LBX1: variants seen among roughly 807,000 people sequenced by gnomAD.
The protein encoded by LBX1 is ladybird homeobox 1, also known as transcription factor LBX1.
Under a neutral mutation model 19.9 loss-of-function variants are expected in LBX1, and 6 were observed. That is an observed-to-expected ratio of 0.30 (90% CI 0.17 to 0.60). The LOEUF (loss-of-function observed/expected upper bound fraction) is 0.60, where lower values mean the gene tolerates loss of function less well. Among genes scored for constraint, LBX1 ranks in the 20% least tolerant of loss-of-function variants. The pLI, the probability that LBX1 is intolerant of heterozygous loss-of-function variation, is 0.87. For synonymous variants in LBX1, 190 were observed against 189.3 expected (o/e 1.00, Z -0.03); for missense variants, 344 against 393.7 (o/e 0.87, Z 1.07).
intron 1 of LBX1, 122 bp from the exon 2 acceptor site, chr10:101,227,912 T>C: frequency 1.1e-6 from 1 of 910,442 alleles, no homozygotes. Flanking sequence ...TGTTCCCTTC[T>C]CAGATTTAAT....
At position 101,229,393 on chromosome 10, in the gene LBX1, T is replaced by G; in HGVS notation, c.-578A>C. ...CTCCCTCCCTCTCTCTTCTCTCTTC[T>G]CTGCTCCCCCCTTCTCTCTCCTTCT... On this transcript the variant is annotated 5_prime_UTR_variant, in exon 1 of 2. Coordinates refer to ENST00000370193, the MANE Select transcript of LBX1 (RefSeq NM_006562.5). This position sits in a 1 kb window ranked among gnomAD's most constrained non-coding sequence, Gnocchi z 6.4. The G allele has an allele frequency of 5.0e-6, 1 of 198,670 alleles. No homozygotes were observed. Among genetic ancestry groups the G allele is most frequent in the Non-Finnish European group, 1.0e-5 (1 of 96,376 alleles). The allele number at this position is 198,670 out of a possible 1,614,324, so 12.3% of individuals were successfully genotyped here.
intron 1 of LBX1, 122 bp downstream of exon 1, chr10:101,228,369 G>C (rs1346197863): frequency 5.9e-6 from 4 of 683,546 alleles, no homozygotes; most frequent in Middle Eastern, 2.8e-4. Context: ...ATAAGCAGCT[G>C]CTCAGGCTGG....
At position 101,227,185 on chromosome 10, in the gene LBX1, C is replaced by G; in HGVS notation, c.*85G>C. 2 of 1,381,046 alleles carry G rather than the reference C, an allele frequency of 1.4e-6. No homozygotes were observed. The highest frequency in any genetic ancestry group is 2.0e-6 in the Non-Finnish European group (2 of 1,022,576). The allele number at this position is 1,381,046 out of a possible 1,614,324, so 85.5% of individuals were successfully genotyped here. A position where few individuals can be genotyped will look rare whatever the true frequency, so the allele number is the denominator to read the frequency against. On this transcript the variant is annotated 3_prime_UTR_variant, in exon 2 of 2. Transcript: ENST00000370193. ...GAGGCGGGAGTTGGCAGAGGAGGTC[C>G]CAGCTCCCCTCGGCGGTCCGGTCCG...
At chr10:101,228,217 C>G (rs1033449779) in intron 1 of LBX1, among the ~76,000 whole-genome samples, 1 of 152,160 alleles carries the variant, frequency 6.6e-6, no homozygotes, top group Non-Finnish European at 1.5e-5. Flanking sequence ...GCCCAGGACA[C>G]TGGGAACGCA....
intron 1 of LBX1, 41 bp from the exon 2 acceptor site, chr10:101,227,831 G>A: frequency 6.6e-7 from 1 of 1,522,052 alleles, no homozygotes; most frequent in Non-Finnish European, 8.8e-7. Flanking sequence ...TGGGAGAGAG[G>A]AAGCCCACCC....
chr10:101,228,953 G>A lies in LBX1; in HGVS notation c.-138C>T, dbSNP rs1564696371. ...GCACTGGGCAGGGCGCGGGCCGGGC[G>A]CGGGGCCGATTAGCGCGGCGGCTGA... On this transcript the variant is annotated 5_prime_UTR_variant, in exon 1 of 2. Transcript: ENST00000370193. The A allele has an allele frequency of 8.4e-6, 3 of 357,050 alleles. No homozygotes were observed. Among genetic ancestry groups the A allele is most frequent in the Non-Finnish European group, 8.5e-6 (2 of 235,452 alleles). The allele number at this position is 357,050 out of a possible 1,614,324, so 22.1% of individuals were successfully genotyped here. A position where few individuals can be genotyped will look rare whatever the true frequency, so the allele number is the denominator to read the frequency against.
Position 101,227,379 on chromosome 10 carries a change from C to A in LBX1, c.737G>T (p.Gly246Val). 1 of 1,606,116 alleles carries A rather than the reference C, an allele frequency of 6.2e-7. No individual in the cohort carries two copies. The highest frequency in any genetic ancestry group is 2.2e-5 in the East Asian group (1 of 44,624). The change falls in exon 2 of 2, where the codon GGC (glycine) becomes GTC (valine). Residue 246 changes from glycine (G) to valine (V), a missense_variant. Physicochemically the swap from Gly to Val is moderately radical, Grantham distance 109. Transcript: ENST00000370193. The stretch of plus-strand genomic sequence containing the variant: ...AGGCGAGAGCTGCAGGGCGCCAGCG[C>A]CCGGGGCCTTCGGGGCGCCTGGGGG... ...VLPPGAPKAP[G>V]AGALQLSPAS...
At position 101,228,945 on chromosome 10, in the gene LBX1, G is replaced by A; in HGVS notation, c.-130C>T. On this transcript the variant is annotated 5_prime_UTR_variant, in exon 1 of 2. Transcript: ENST00000370193. ...AGGAGGCCGCACTGGGCAGGGCGCG[G>A]GCCGGGCGCGGGGCCGATTAGCGCG... is the stretch of plus-strand genomic sequence containing the variant. 2.5e-6 allele frequency: 1 copy of A among 401,682 alleles called. No homozygotes were observed. The highest frequency in any genetic ancestry group is 1.1e-4 in the South Asian group (1 of 9,460). 24.9% of individuals were successfully genotyped at this position (401,682 alleles called of 1,614,324 possible).
rs1360369742 is a variant in LBX1 at position 101,229,396 on chromosome 10, G to A, written c.-581C>T. 1 of 192,482 alleles carries A rather than the reference G, an allele frequency of 5.2e-6. No individual in the cohort carries two copies. The highest frequency in any genetic ancestry group is 2.5e-5 in the African/African-American group (1 of 40,354). The allele number at this position is 192,482 out of a possible 1,614,324, so 11.9% of individuals were successfully genotyped here. On this transcript the variant is annotated 5_prime_UTR_variant, in exon 1 of 2. Coordinates refer to ENST00000370193, the MANE Select transcript of LBX1 (RefSeq NM_006562.5). This position sits in a 1 kb window ranked among gnomAD's most constrained non-coding sequence, Gnocchi z 6.4. ...CCTCCCTCTCTCTTCTCTCTTCTCTGCTCCCCCCTTCTCTCTCCTTCTCTC... is the reference window on the plus strand; with the variant it reads ...CCTCCCTCTCTCTTCTCTCTTCTCTACTCCCCCCTTCTCTCTCCTTCTCTC...
chr10:101,227,262 G>A lies in LBX1; in HGVS notation c.*8C>T. On this transcript the variant is annotated 3_prime_UTR_variant, in exon 2 of 2. Coordinates refer to ENST00000370193, the MANE Select transcript of LBX1 (RefSeq NM_006562.5). ...GAGCCCAGGGCGGCGGAAGACCCGGGGCGCCGCTCAATCGTCCACGTCGAT... is the reference window on the plus strand; with the variant it reads ...GAGCCCAGGGCGGCGGAAGACCCGGAGCGCCGCTCAATCGTCCACGTCGAT... The A allele has an allele frequency of 2.5e-6, 4 of 1,599,006 alleles. No homozygotes were observed. The highest frequency in any genetic ancestry group is 2.3e-5 in the East Asian group (1 of 43,338).
chr10:101,228,634 G>T lies in LBX1; in HGVS notation c.182C>A (p.Ala61Asp). The T allele has an allele frequency of 6.3e-7, 1 of 1,583,554 alleles. No individual in the cohort carries two copies. Residue 61 changes from alanine to aspartate, a missense_variant, in exon 1 of 2, where the codon GCC (alanine) becomes GAC (aspartate). Ala to Asp is a moderately radical substitution (Grantham distance 126, BLOSUM62 -2). Coordinates refer to ENST00000370193, the MANE Select transcript of LBX1 (RefSeq NM_006562.5). ...GCCCTGCGCGTGCTTGTCCGCGGCG[G>T]CCAGCAGGTGCGCCGCCCCGCACAG... ...YSLCGAAHLL[A>D]AADKHAQGGL... is the part of the protein sequence containing the mutation.
At position 101,227,442 on chromosome 10, in the gene LBX1, C is replaced by T; in HGVS notation, c.674G>A (p.Cys225Tyr). Residue 225 changes from cysteine to tyrosine, a missense_variant, in exon 2 of 2, where the codon TGC becomes TAC. By Grantham distance (194) the Cys-to-Tyr change is radical. Coordinates refer to ENST00000370193, the MANE Select transcript of LBX1 (RefSeq NM_006562.5). ...GCCGGGCCTCGACTTGGCCCTGCCG[C>T]AGCCGCCGCCACCGCCGGCTGTGGC... ...SEATAGGGGG[C>Y]GRAKSRPGSP... 6.3e-7 allele frequency: 1 copy of T among 1,595,154 alleles called. No homozygotes were observed. The highest frequency in any genetic ancestry group is 8.5e-7 in the Non-Finnish European group (1 of 1,170,892).
chr10:101,228,831 G>T lies in LBX1; in HGVS notation c.-16C>A. The T allele has an allele frequency of 4.7e-6, 7 of 1,495,832 alleles. No individual in the cohort carries two copies. Among genetic ancestry groups the T allele is most frequent in the Non-Finnish European group, 6.2e-6 (7 of 1,122,952 alleles). The allele number at this position is 1,495,832 out of a possible 1,614,324, so 92.7% of individuals were successfully genotyped here. On this transcript the variant is annotated 5_prime_UTR_variant, in exon 1 of 2. Transcript: ENST00000370193. ...TGGAAGTCATCTCGGCCTTGTTCGG[G>T]GTCCCGGCCGGGGCGGCTCGGGCCG...
In LBX1 at chr10:101,227,630, C is replaced by T. The variant is rs745951412; in HGVS notation, c.486G>A (p.Leu162=). The change falls in exon 2 of 2, where the codon CTG becomes CTA. Residue 162 remains leucine, a synonymous_variant. Coordinates refer to ENST00000370193, the MANE Select transcript of LBX1 (RefSeq NM_006562.5). Reference sequence around the variant, plus strand: ...TGATGACTTGCGCGTTGGTGAGGCCCAGCTGCTGCGCGATTTGGTCGCGAT... The same window carrying T: ...TGATGACTTGCGCGTTGGTGAGGCCTAGCTGCTGCGCGATTTGGTCGCGAT... ...PADRDQIAQQ[L]GLTNAQVITW... is the part of the protein sequence containing the mutation. 9 of 1,614,222 alleles carry T rather than the reference C, an allele frequency of 5.6e-6. No homozygotes were observed. Among genetic ancestry groups the T allele is most frequent in the Non-Finnish European group, 1.7e-6 (2 of 1,180,032 alleles).
chr10:101,228,803 C>T lies in LBX1; in HGVS notation c.13G>A (p.Glu5Lys). The T allele has an allele frequency of 6.3e-7, 1 of 1,582,922 alleles. No individual in the cohort carries two copies. Among genetic ancestry groups the T allele is most frequent in the Non-Finnish European group, 8.6e-7 (1 of 1,167,512 alleles). The part of the protein sequence containing the change: MTSK[E>K]DGKAAPGEER... ...TCCCCCGGCGCCGCCTTGCCGTCCT[C>T]CTTGGAAGTCATCTCGGCCTTGTTC... The change falls in exon 1 of 2, where the codon GAG (glutamate) becomes AAG (lysine). Residue 5 changes from glutamate to lysine, a missense_variant. Glu to Lys is a moderately conservative substitution (Grantham distance 56). Around this residue, in one of 3 missense-constraint regions of LBX1, gnomAD observed 153 missense variants for 168.9 expected, o/e 0.91. Transcript: ENST00000370193.
rs995341237 is a variant in LBX1 at position 101,227,849 on chromosome 10, C to T, written c.326-59G>A. On this transcript the variant is annotated intron_variant, in intron 1 of 1. Coordinates refer to ENST00000370193, the MANE Select transcript of LBX1 (RefSeq NM_006562.5). ...GAGAGAGGAAGCCCACCCTGGCTCTCGCCCCCGTAACTCCGTAACCCACCC... is the reference window on the plus strand; with the variant it reads ...GAGAGAGGAAGCCCACCCTGGCTCTTGCCCCCGTAACTCCGTAACCCACCC... 14 of 1,495,886 alleles carry T rather than the reference C, an allele frequency of 9.4e-6. 1 individual carries two copies. The Admixed American group carries it at 1.7e-4, about 18-fold the overall frequency. 92.7% of individuals were successfully genotyped at this position (1,495,886 alleles called of 1,614,324 possible).
Position 101,228,575 on chromosome 10 carries a change from G to T in LBX1, c.241C>A (p.Gln81Lys). 1 of 1,555,138 alleles carries T rather than the reference G, an allele frequency of 6.4e-7. No homozygotes were observed. Among genetic ancestry groups the T allele is most frequent in the Non-Finnish European group, 8.7e-7 (1 of 1,149,440 alleles). ...TCCAGCGCGCACAGCGGCGAGGTCT[G>T]CGAGAGCAGCGCGCGGCCCGCCAGG... Reference protein sequence around the residue: ...LPLAGRALLSQTSPLCALEEL... With the variant: ...LPLAGRALLSKTSPLCALEEL... The change falls in exon 1 of 2, where the codon CAG (glutamine) becomes AAG (lysine). Residue 81 changes from glutamine to lysine, a missense_variant. Coordinates refer to ENST00000370193, the MANE Select transcript of LBX1 (RefSeq NM_006562.5).
rs1437490336 is a variant in LBX1 at position 101,228,631 on chromosome 10, G to A, written c.185C>T (p.Ala62Val). The A allele has an allele frequency of 6.3e-7, 1 of 1,581,136 alleles. No individual in the cohort carries two copies. Among genetic ancestry groups the A allele is most frequent in the South Asian group, 1.2e-5 (1 of 86,912 alleles). The change falls in exon 1 of 2, where the codon GCC becomes GTC. Residue 62 changes from alanine (A) to valine (V), a missense_variant. Coordinates refer to ENST00000370193, the MANE Select transcript of LBX1 (RefSeq NM_006562.5). ...GCCGCCCTGCGCGTGCTTGTCCGCG[G>A]CGGCCAGCAGGTGCGCCGCCCCGCA... ...SLCGAAHLLA[A>V]ADKHAQGGLP...
In LBX1 at chr10:101,228,559, C is replaced by T. The variant is rs1941072975; in HGVS notation, c.257G>A (p.Cys86Tyr). Residue 86 changes from cysteine to tyrosine, a missense_variant, in exon 1 of 2, where the codon TGC becomes TAC. By Grantham distance (194) the Cys-to-Tyr change is radical. Around this residue, in one of 3 missense-constraint regions of LBX1, gnomAD observed 153 missense variants for 168.9 expected, o/e 0.91. Coordinates refer to ENST00000370193, the MANE Select transcript of LBX1 (RefSeq NM_006562.5). ...RALLSQTSPLCALEELASKTF... is the reference protein window; with the variant it reads ...RALLSQTSPLYALEELASKTF... ...CTTGCTGGCGAGCTCCTCCAGCGCG[C>T]ACAGCGGCGAGGTCTGCGAGAGCAG... 1.3e-6 allele frequency: 2 copies of T among 1,554,674 alleles called. No homozygotes were observed. The highest frequency in any genetic ancestry group is 2.4e-5 in the South Asian group (2 of 84,648).
Sources: allele counts gnomAD v4.1 joint callset (sites outside exome capture counted in the v4.1 genomes callset), GRCh38; gene constraint gnomAD v4.1.1; regional missense constraint gnomAD v4.1.1; non-coding constraint Gnocchi (gnomAD v3.1); transcripts MANE v1.5; gene names NCBI Gene and HGNC (gene_info 2026-07-23, HGNC 2026-07-21).